The following WDR36 variants were observed in gnomAD, a reference collection of about 807,000 sequenced individuals.
The protein encoded by WDR36 is WD repeat-containing protein 36.
A neutral mutation model predicts 112.7 loss-of-function variants in WDR36; 63 were observed. The ratio of observed to expected loss-of-function variants is 0.56; its 90% CI spans 0.46 to 0.69. WDR36 has a LOEUF of 0.69. WDR36 is among the 30% of genes least tolerant of loss of function. The probability of loss-of-function intolerance (pLI) is 0.00; values close to 1 mark genes in which losing one functional copy is unlikely to be tolerated. For missense variants in WDR36, 1,226 were observed against 1,070.3 expected (o/e 1.15, Z -2.03); for synonymous variants, 410 against 362.2 (o/e 1.13, Z -1.50).
chr5:111,097,017 C>G (rs572749644), intron 2 of WDR36, 62 bp from the exon 3 acceptor site: 1 of 1,160,794 alleles, frequency 8.6e-7, no homozygotes, highest in African/African-American at 1.5e-5. Flanking sequence ...TATATGTATA[C>G]TTGAGGTTTC....
At chr5:111,093,646 C>T (rs147388627) in intron 1 of WDR36, among the ~76,000 whole-genome samples, 1 of 152,176 alleles carries the variant, frequency 6.6e-6, no homozygotes, top group Non-Finnish European at 1.5e-5. Context: ...TTTGCTTTTG[C>T]TGGTTAATGT....
intron 16 of WDR36, among the ~76,000 whole-genome samples, chr5:111,118,222 T>C (rs1004544500): frequency 6.6e-6 from 1 of 152,176 alleles, no homozygotes; most frequent in African/African-American, 2.4e-5. Context: ...TCTACACAAT[T>C]GTATTTTCCC....
Position 111,127,422 on chromosome 5 carries a change from T to C in WDR36, c.*539T>C, listed in dbSNP as rs958826187. ...ATACATGATGTAGTTATAAAAATGCTGTTATGAAGAAAAAAGGAATGCTTT... is the reference window on the plus strand; with the variant it reads ...ATACATGATGTAGTTATAAAAATGCCGTTATGAAGAAAAAAGGAATGCTTT... On this transcript the variant is annotated 3_prime_UTR_variant, in exon 23 of 23. Coordinates refer to ENST00000513710, the MANE Select transcript of WDR36 (RefSeq NM_139281.3). 2 of 201,904 alleles carry C rather than the reference T, an allele frequency of 9.9e-6. No individual in the cohort carries two copies. The highest frequency in any genetic ancestry group is 4.6e-5 in the African/African-American group (2 of 43,684). The allele number at this position is 201,904 out of a possible 1,614,324, so 12.5% of individuals were successfully genotyped here.
chr5:111,110,244 C>A lies in WDR36; in HGVS notation c.1382C>A (p.Thr461Asn). The A allele has an allele frequency of 6.2e-7, 1 of 1,610,934 alleles. No individual in the cohort carries two copies. Among genetic ancestry groups the A allele is most frequent in the South Asian group, 1.1e-5 (1 of 91,034 alleles). The change falls in exon 13 of 23, where the codon ACT (threonine) becomes AAT (asparagine). Residue 461 changes from threonine to asparagine, a missense_variant. By Grantham distance (65) the Thr-to-Asn change is moderately conservative (BLOSUM62 0). Transcript: ENST00000513710. ...NFAVIGLSSG[T>N]VDVYNMQSGI... Reference sequence around the variant, plus strand: ...GCTGTAATTGGCCTCTCATCAGGAACTGTAGATGTATATAACATGCAGTCT... The same window carrying A: ...GCTGTAATTGGCCTCTCATCAGGAAATGTAGATGTATATAACATGCAGTCT...
chr5:111,110,613 C>T (rs1316806921), intron 13 of WDR36, among the ~76,000 whole-genome samples, 175 bp from the exon 14 acceptor site: 1 of 151,328 alleles, frequency 6.6e-6, no homozygotes, highest in Non-Finnish European at 1.5e-5. Context: ...TTTACTCGAA[C>T]AGTATTAATA....
At chr5:111,095,638 A>C (rs1329380222) in intron 2 of WDR36, among the ~76,000 whole-genome samples, 1 of 152,186 alleles carries the variant, frequency 6.6e-6, no homozygotes, top group Non-Finnish European at 1.5e-5. Flanking sequence ...TCATTGGAAC[A>C]TTTCCGATTT....
chr5:111,123,417 A>C (rs1352736009), intron 19 of WDR36, among the ~76,000 whole-genome samples: 2 of 152,220 alleles, frequency 1.3e-5, no homozygotes, highest in African/African-American at 4.8e-5. Context: ...TGTATTAAGC[A>C]TTTATGTAAA....
At chr5:111,126,132 T>C (rs954005107) in intron 22 of WDR36, among the ~76,000 whole-genome samples, 1 of 152,166 alleles carries the variant, frequency 6.6e-6, no homozygotes, top group African/African-American at 2.4e-5. Flanking sequence ...ATTTTTATGC[T>C]ATCTGCTTGA....
chr5:111,118,061 G>A (rs144422819), intron 16 of WDR36, among the ~76,000 whole-genome samples: 258 of 152,254 alleles, frequency 1.7e-3, no homozygotes, highest in Non-Finnish European at 3.0e-3. Context: ...AAGTTTTTAT[G>A]GAAGTGAAGA....
At chr5:111,111,776 A>T (rs1284751683) in intron 15 of WDR36, among the ~76,000 whole-genome samples, 2 of 151,990 alleles carry the variant, frequency 1.3e-5, no homozygotes, top group South Asian at 2.1e-4. Context: ...TTATAATGGG[A>T]TATATGATAT....
chr5:111,105,502 T>C (rs2112573449), intron 10 of WDR36, 142 bp downstream of exon 10: 1 of 791,126 alleles, frequency 1.3e-6, no homozygotes, highest in Non-Finnish European at 2.1e-6. Flanking sequence ...GGTAGTAAGA[T>C]TCCTAGCATC....
chr5:111,123,600 G>A (rs1225424173), intron 19 of WDR36, among the ~76,000 whole-genome samples: 2 of 152,158 alleles, frequency 1.3e-5, no homozygotes, highest in African/African-American at 4.8e-5. Context: ...TTATCGGCAA[G>A]GGTGCTAGAG....
At position 111,105,429 on chromosome 5, in the gene WDR36, G is replaced by A. The variant is rs375102310; in HGVS notation, c.1093+69G>A. ...ATTTCAACATTCTATGAAACAACTG[G>A]AGGAAGTTTCATCAATGCATTTTAT... On this transcript the variant is annotated intron_variant, in intron 10 of 22. Coordinates refer to ENST00000513710, the MANE Select transcript of WDR36 (RefSeq NM_139281.3). The A allele has an allele frequency of 1.0e-4, 145 of 1,423,660 alleles. 2 individuals are homozygous for A. The highest frequency in any genetic ancestry group is 3.5e-4 in the Middle Eastern group (2 of 5,642). 88.2% of individuals were successfully genotyped at this position (1,423,660 alleles called of 1,614,324 possible). A position where few individuals can be genotyped will look rare whatever the true frequency, so the allele number is the denominator to read the frequency against.
At chr5:111,125,453 G>T (rs1268022762) in intron 21 of WDR36, among the ~76,000 whole-genome samples, 155 bp from the exon 22 acceptor site, 1 of 152,032 alleles carries the variant, frequency 6.6e-6, no homozygotes, top group Non-Finnish European at 1.5e-5. Flanking sequence ...AATTATTTTG[G>T]GTTTCATTCT....
At chr5:111,098,677 T>A (rs749599160) in intron 3 of WDR36, 45 bp from the exon 4 acceptor site, 2 of 1,208,310 alleles carry the variant, frequency 1.7e-6, no homozygotes, top group South Asian at 1.2e-5. Context: ...TATGACATGA[T>A]GACTGAGTAA....
rs771367905 is a variant in WDR36, at chr5:111,107,388, C to T, written c.1275C>T (p.Gly425=). The change falls in exon 12 of 23, where the codon GGC becomes GGT. Residue 425 remains glycine, a synonymous_variant. Coordinates refer to ENST00000513710, the MANE Select transcript of WDR36 (RefSeq NM_139281.3). ...GGAATTATCAGAAATCTACAATAGG[C>T]GCTTACTTTCTCAAGCCAAAAGAGT... The part of the protein sequence containing the change: ...STWNYQKSTI[G]AYFLKPKELK... 59 of 1,610,222 alleles carry T rather than the reference C, an allele frequency of 3.7e-5. No homozygotes were observed. Among genetic ancestry groups the T allele is most frequent in the Middle Eastern group, 1.7e-4 (1 of 6,058 alleles).
At chr5:111,119,672 C>T (rs1218842972) in intron 17 of WDR36, among the ~76,000 whole-genome samples, 3 of 151,946 alleles carry the variant, frequency 2.0e-5, no homozygotes, top group African/African-American at 7.2e-5. Context: ...TGTTTCTTTC[C>T]TAACTTTATA....
chr5:111,117,299 C>T (rs1753474569), intron 16 of WDR36, among the ~76,000 whole-genome samples: 1 of 152,070 alleles, frequency 6.6e-6, no homozygotes, highest in South Asian at 2.1e-4. Flanking sequence ...TTCCATCTTG[C>T]ATTCATTGTT....
At position 111,126,817 on chromosome 5, in the gene WDR36, C is replaced by A. The variant is rs752125587; in HGVS notation, c.2622C>A (p.Thr874=). The stretch of plus-strand genomic sequence containing the variant: ...CATCCCAGGTGGAAGAAAACTGGAC[C>A]CATTTGCAATCACTCTTCAATCAAA... ...NLSSQVEENW[T]HLQSLFNQSM... The change falls in exon 23 of 23, where the codon ACC becomes ACA. Residue 874 remains threonine (T), a synonymous_variant. Transcript: ENST00000513710. The A allele has an allele frequency of 1.2e-6, 2 of 1,613,560 alleles. No homozygotes were observed. The highest frequency in any genetic ancestry group is 1.7e-6 in the Non-Finnish European group (2 of 1,179,776).
Sources: allele counts gnomAD v4.1 joint callset (sites outside exome capture counted in the v4.1 genomes callset), GRCh38; gene constraint gnomAD v4.1.1; transcripts MANE v1.5; gene names NCBI Gene and HGNC (gene_info 2026-07-23, HGNC 2026-07-21).